RASGRP3: variants seen among roughly 807,000 people sequenced by gnomAD.
RASGRP3 encodes the protein ras guanyl-releasing protein 3.
In RASGRP3, 54 loss-of-function variants were observed where a neutral mutation model predicts 82.7. That is an observed-to-expected ratio of 0.65 (90% CI 0.52 to 0.82). The LOEUF is 0.82. Ranked by LOEUF, RASGRP3 falls within the 40% of genes least tolerant of loss-of-function variation. The pLI is 0.00. For synonymous variants in RASGRP3, 309 were observed against 300.5 expected (o/e 1.03, Z -0.29); for missense variants, 861 against 828.9 (o/e 1.04, Z -0.48).
At chr2:33,509,887 T>C (rs1316230845) in intron 1 of RASGRP3, among the ~76,000 whole-genome samples, 1 of 152,232 alleles carries the variant, frequency 6.6e-6, no homozygotes, top group East Asian at 1.9e-4. Context: ...GTTTTTATTA[T>C]TTCATTTACT....
At chr2:33,442,397 A>C (rs985045993) in intron 1 of RASGRP3, among the ~76,000 whole-genome samples, 1 of 152,150 alleles carries the variant, frequency 6.6e-6, no homozygotes, top group African/African-American at 2.4e-5. Flanking sequence ...GATAATGGTG[A>C]TTTTGATTTT....
At chr2:33,470,058 C>T (rs1370526746) in intron 2 of RASGRP3, among the ~76,000 whole-genome samples, 2 of 151,966 alleles carry the variant, frequency 1.3e-5, no homozygotes, top group East Asian at 1.9e-4. Flanking sequence ...CTAATATCTC[C>T]CTTGTGGTTC....
At chr2:33,519,917 G>A (rs1390030989) in intron 4 of RASGRP3, 35 bp from the exon 5 acceptor site, 1 of 1,526,958 alleles carries the variant, frequency 6.5e-7, no homozygotes, top group South Asian at 1.2e-5. Flanking sequence ...CAAAGGAAAG[G>A]AGGTGCAAGG....
chr2:33,502,613 A>C (rs1669981173), intron 1 of RASGRP3, among the ~76,000 whole-genome samples: 2 of 151,628 alleles, frequency 1.3e-5, no homozygotes, highest in Non-Finnish European at 2.9e-5. Flanking sequence ...CCCGGGTTCA[A>C]GGGATTCTCC....
chr2:33,535,086 A>C (rs1574448175), intron 11 of RASGRP3, among the ~76,000 whole-genome samples: 1 of 152,228 alleles, frequency 6.6e-6, no homozygotes, highest in South Asian at 2.1e-4. Context: ...AGCTCCATTC[A>C]ACATAAAATT....
rs1025181188 is a variant in RASGRP3, at chr2:33,520,795, T to C, written c.368+111T>C. ...ATCCCACTCCTGAATCCAGGTTTGC[T>C]TCTGTGAGGAAAGCCTTGCTGCAGT... On this transcript the variant is annotated intron_variant, in intron 6 of 17. Coordinates refer to ENST00000403687, the MANE Select transcript of RASGRP3 (RefSeq NM_001139488.2). The C allele has an allele frequency of 3.4e-6, 5 of 1,449,384 alleles. No homozygotes were observed. In the African/African-American group the frequency reaches 7.0e-5, roughly 20 times the overall value. The allele number at this position is 1,449,384 out of a possible 1,614,324, so 89.8% of individuals were successfully genotyped here.
intron 17 of RASGRP3, among the ~76,000 whole-genome samples, chr2:33,561,941 A>G (rs1244938080): frequency 1.3e-5 from 2 of 152,140 alleles, no homozygotes; most frequent in Non-Finnish European, 2.9e-5. Context: ...GTTTTCCTTT[A>G]TCTTCTACTA....
rs72785968 is a variant in RASGRP3 at position 33,555,069 on chromosome 2, C to T, written c.1543-462C>T. The T allele has an allele frequency of 3.9e-3, 604 of 153,374 alleles. 2 individuals carry two copies. Among genetic ancestry groups the T allele is most frequent in the Middle Eastern group, 0.01 (3 of 294 alleles). The allele number at this position is 153,374 out of a possible 1,614,324, so 9.5% of individuals were successfully genotyped here. A position where few individuals can be genotyped will look rare whatever the true frequency, so the allele number is the denominator to read the frequency against. ...GATCATTTCCTCTTCTGTATTTTTC[C>T]ACGGGACAAATACTACTCAGAAAAT... is the stretch of plus-strand genomic sequence containing the variant. On this transcript the variant is annotated intron_variant, in intron 14 of 17. Coordinates refer to ENST00000403687, the MANE Select transcript of RASGRP3 (RefSeq NM_001139488.2).
intron 2 of RASGRP3, among the ~76,000 whole-genome samples, chr2:33,451,938 C>G (rs1665823128): frequency 6.6e-6 from 1 of 151,878 alleles, no homozygotes; most frequent in African/African-American, 2.4e-5. Context: ...TGTTGTTTCT[C>G]TGGCTGAATA....
intron 2 of RASGRP3, among the ~76,000 whole-genome samples, chr2:33,451,390 TG>T (rs1665793731): frequency 6.6e-6 from 1 of 152,232 alleles, no homozygotes; most frequent in Non-Finnish European, 1.5e-5. Context: ...GATTATTTGC[TG>T]TGCAGAAGCA....
Position 33,514,505 on chromosome 2 carries a change from C to CAAAAAAA in RASGRP3, c.-127-489_-127-483dup, listed in dbSNP as rs3083005. On this transcript the variant is annotated intron_variant, in intron 2 of 17. Coordinates refer to ENST00000403687, the MANE Select transcript of RASGRP3 (RefSeq NM_001139488.2). Reference sequence around the variant, plus strand: ...GCAACATGGTAAAACCCCATCTCTACAAAAAAAAAAAAAAAAAAAAAACCC... The same window carrying CAAAAAAA: ...GCAACATGGTAAAACCCCATCTCTACAAAAAAAAAAAAAAAAAAAAAAAAAAAAACCC... 5.1e-3 allele frequency among the ~76,000 whole-genome samples: 312 copies of CAAAAAAA among 60,628 alleles called. 5 individuals are homozygous for CAAAAAAA. The highest frequency in any genetic ancestry group is 7.3e-3 in the Non-Finnish European group (268 of 36,634). The allele number at this position is 60,628 out of a possible 152,430, so 39.8% of individuals were successfully genotyped here.
rs1477293245 is a variant in RASGRP3 at position 33,454,311 on chromosome 2, C to T, written c.-261+6368C>T. Among the ~76,000 whole-genome samples the T allele has an allele frequency of 3.3e-5, 5 of 152,280 alleles. No homozygotes were observed. The East Asian group carries it at 9.6e-4, about 29-fold the overall frequency. ...GTTACTTTGATATGACACATCAATG[C>T]ATCTATACTTTTCTCTGTTTGATGT... On this transcript the variant is annotated intron_variant, in intron 2 of 18. Transcript: ENST00000402538.
At chr2:33,537,323 G>T (rs6543721) in intron 11 of RASGRP3, among the ~76,000 whole-genome samples, 17 of 106,128 alleles carry the variant, frequency 1.6e-4, no homozygotes, top group African/African-American at 5.4e-4. Flanking sequence ...CACACACACC[G>T]CCCCCCCCAC....
At chr2:33,537,342 A>ACC (rs1673754349) in intron 11 of RASGRP3, among the ~76,000 whole-genome samples, 1 of 127,066 alleles carries the variant, frequency 7.9e-6, no homozygotes, top group Middle Eastern at 4.3e-3. Context: ...ACACACACAC[A>ACC]CAAGTATATA....
chr2:33,520,762 C>T, intron 6 of RASGRP3, 78 bp downstream of exon 6: 3 of 1,560,690 alleles, frequency 1.9e-6, no homozygotes, highest in Non-Finnish European at 2.6e-6. Flanking sequence ...CCCACTTGTT[C>T]TGAGTCCATC....
chr2:33,463,806 T>G (rs1666518049), intron 2 of RASGRP3, among the ~76,000 whole-genome samples: 1 of 151,912 alleles, frequency 6.6e-6, no homozygotes, highest in Non-Finnish European at 1.5e-5. Context: ...TTCACCATGT[T>G]GGCCAGGCTG....
chr2:33,553,335 G>A (rs1285850291), intron 14 of RASGRP3, among the ~76,000 whole-genome samples: 3 of 152,118 alleles, frequency 2.0e-5, no homozygotes, highest in Non-Finnish European at 4.4e-5. Context: ...CTGTAAAAAT[G>A]AGAAAAATAT....
At chr2:33,476,362 A>G (rs1465618367), upstream of RASGRP3, 1 of 152,172 alleles carries the variant, frequency 6.6e-6, no homozygotes. Flanking sequence ...ACACGCAAAC[A>G]CATTTAACTT....
intron 1 of RASGRP3, among the ~76,000 whole-genome samples, chr2:33,509,903 C>T (rs1433163339): frequency 6.6e-6 from 1 of 152,136 alleles, no homozygotes; most frequent in Non-Finnish European, 1.5e-5. Context: ...TTACTAACCT[C>T]AATCTTAATT....
Sources: gnomAD v4.1 joint callset for allele counts (sites outside exome capture counted in the v4.1 genomes callset) on GRCh38, gnomAD v4.1.1 for gene constraint, MANE v1.5 for transcripts, NCBI Gene and HGNC (gene_info 2026-07-23, HGNC 2026-07-21) for gene names.